ARSG: variants seen among roughly 807,000 people sequenced by gnomAD.
ARSG encodes the protein arylsulfatase G, also known as ASG.
Under a neutral mutation model 50.5 loss-of-function variants are expected in ARSG, and 37 were observed. That is an observed-to-expected ratio of 0.73 (90% CI 0.56 to 0.96). The LOEUF (loss-of-function observed/expected upper bound fraction) is 0.96, where lower values mean the gene tolerates loss of function less well. Among genes scored for constraint, ARSG ranks in the 50% least tolerant of loss-of-function variants. The probability of loss-of-function intolerance (pLI) is 0.00; values close to 1 mark genes in which losing one functional copy is unlikely to be tolerated. For synonymous variants in ARSG, 225 were observed against 254.6 expected, an observed-to-expected ratio of 0.88 and a Z score of 1.11; for missense variants, 629 against 675.3, an observed-to-expected ratio of 0.93 and a Z score of 0.76.
chr17:68,367,579 G>T lies in ARSG; in HGVS notation c.705-969G>T, dbSNP rs2079606286. On this transcript the variant is annotated intron_variant, in intron 6 of 11. Transcript: ENST00000621439. This position sits in a 1 kb window ranked among gnomAD's most constrained non-coding sequence, Gnocchi z 4.5. ...TGCAGCTGCTCTTGGCTGGGAGTAG[G>T]ACTGGGACCTTTGCTTGGAAGCCAC... Among the ~76,000 whole-genome samples the T allele has an allele frequency of 6.6e-6, 1 of 152,150 alleles. No homozygotes were observed. The highest frequency in any genetic ancestry group is 2.4e-5 in the African/African-American group (1 of 41,414).
At position 68,271,748 on chromosome 17, in the gene ARSG, T is replaced by G; in HGVS notation, c.-552+12322T>G. The G allele has an allele frequency of 2.1e-6, 2 of 936,394 alleles. No homozygotes were observed. Among genetic ancestry groups the G allele is most frequent in the Non-Finnish European group, 3.2e-6 (2 of 623,664 alleles). The allele number at this position is 936,394 out of a possible 1,614,324, so 58.0% of individuals were successfully genotyped here. The stretch of plus-strand genomic sequence containing the variant: ...ATCAAGAAGAAATATGGATCCAGAT[T>G]TTGTTATAAGTTCTGTGGAAATTTA... On this transcript the variant is annotated intron_variant, in intron 1 of 11. Transcript: ENST00000448504. The surrounding 1 kb of genome is among the most constrained non-coding windows in gnomAD (Gnocchi z 5.3).
At position 68,391,033 on chromosome 17, in the gene ARSG, G is replaced by A. The variant is rs547946032; in HGVS notation, c.1092-4040G>A. On this transcript the variant is annotated intron_variant, in intron 9 of 11. Coordinates refer to ENST00000621439, the MANE Select transcript of ARSG (RefSeq NM_001267727.2). The stretch of plus-strand genomic sequence containing the variant: ...CAAAAGCCGGGCACCGAAACGAACA[G>A]GGGAAGCTTTGAAGTATAGGTTTGT... Among the ~76,000 whole-genome samples, 13 of 151,984 alleles carry A rather than the reference G, an allele frequency of 8.6e-5. No individual in the cohort carries two copies. In the South Asian group the frequency reaches 2.7e-3, roughly 32 times the overall value.
rs1026039175 is a variant in ARSG at position 68,343,779 on chromosome 17, A to G, written c.394A>G (p.Thr132Ala). 6.2e-7 allele frequency: 1 copy of G among 1,612,560 alleles called. No individual in the cohort carries two copies. The highest frequency in any genetic ancestry group is 8.5e-7 in the Non-Finnish European group (1 of 1,178,968). Reference sequence around the variant, plus strand: ...GGTGCTGCAGCAGGCGGGTTACGTCACTGGGATAATAGGTAACTCTGGGCC... The same window carrying G: ...GGTGCTGCAGCAGGCGGGTTACGTCGCTGGGATAATAGGTAACTCTGGGCC... ...AEVLQQAGYV[T>A]GIIGKWHLGH... Residue 132 changes from threonine to alanine, a missense_variant, in exon 3 of 12, where the codon ACT becomes GCT. Coordinates refer to ENST00000621439, the MANE Select transcript of ARSG (RefSeq NM_001267727.2).
At chr17:68,398,599 T>C (rs2081350139) in intron 10 of ARSG, among the ~76,000 whole-genome samples, 1 of 152,246 alleles carries the variant, frequency 6.6e-6, no homozygotes, top group Admixed American at 6.5e-5. Flanking sequence ...AAGTAACTCC[T>C]GGATATTCAA....
intron 10 of ARSG, chr17:68,401,105 C>T: frequency 4.3e-6 from 2 of 464,140 alleles, no homozygotes; most frequent in South Asian, 2.5e-5. Flanking sequence ...CTCACTGCAG[C>T]GTTGACCTCC....
chr17:68,289,109 G>A (rs1420673410), upstream of ARSG, among the ~76,000 whole-genome samples: 7 of 152,286 alleles, frequency 4.6e-5, no homozygotes, highest in African/African-American at 1.7e-4. Flanking sequence ...AATTAGGGAG[G>A]CCGAAGCAGG....
At chr17:68,321,060 C>T (rs1489684285) in intron 2 of ARSG, among the ~76,000 whole-genome samples, 1 of 151,980 alleles carries the variant, frequency 6.6e-6, no homozygotes, top group Non-Finnish European at 1.5e-5. Flanking sequence ...TAGGAGGCCA[C>T]CCAGGAGGCT....
chr17:68,432,646 C>T, the ARSG span, among the ~76,000 whole-genome samples: 3 of 152,072 alleles, frequency 2.0e-5, no homozygotes, highest in Non-Finnish European at 4.4e-5. Flanking sequence ...CATGTATCAG[C>T]GTGATATGGT....
intron 8 of ARSG, among the ~76,000 whole-genome samples, chr17:68,382,975 C>A (rs2080509536): frequency 6.6e-6 from 1 of 152,186 alleles, no homozygotes. Context: ...CTCAGCCAAT[C>A]TTTTTCTTTC....
At chr17:68,297,048 C>T (rs1361751638) in intron 1 of ARSG, among the ~76,000 whole-genome samples, 2 of 152,164 alleles carry the variant, frequency 1.3e-5, no homozygotes, top group African/African-American at 4.8e-5. Flanking sequence ...CGGAATTATG[C>T]AGTGCATAAA....
intron 5 of ARSG, among the ~76,000 whole-genome samples, chr17:68,354,436 G>GA (rs528189891): frequency 1.5e-3 from 219 of 148,116 alleles, no homozygotes; most frequent in Middle Eastern, 6.8e-3. Context: ...AAGAAAAAAA[G>GA]AAAAAAAAAT....
At chr17:68,361,528 A>C (rs113412154) in intron 6 of ARSG, among the ~76,000 whole-genome samples, 10 of 152,118 alleles carry the variant, frequency 6.6e-5, no homozygotes, top group African/African-American at 2.2e-4. Context: ...AGTCTGCACA[A>C]CATAGTGAGA....
chr17:68,373,914 T>C (rs1240989515), intron 8 of ARSG, among the ~76,000 whole-genome samples: 1 of 151,626 alleles, frequency 6.6e-6, no homozygotes, highest in East Asian at 1.9e-4. Context: ...TCCCAGCACT[T>C]TGGGAGGCCG....
chr17:68,379,444 TTTTTTTA>T (rs2080320641), intron 8 of ARSG, among the ~76,000 whole-genome samples: 1 of 138,758 alleles, frequency 7.2e-6, no homozygotes, highest in African/African-American at 2.6e-5. Flanking sequence ...TTTTTTTTTT[TTTTTTTA>T]CAGAGATGGA....
At chr17:68,444,603 G>A in the ARSG span, 1 of 1,606,148 alleles carries the variant, frequency 6.2e-7, no homozygotes, top group Non-Finnish European at 8.5e-7. Flanking sequence ...TAATCACACA[G>A]ACTTATCAGT....
At chr17:68,349,847 A>G in intron 4 of ARSG, among the ~76,000 whole-genome samples, 1 of 151,990 alleles carries the variant, frequency 6.6e-6, no homozygotes, top group African/African-American at 2.4e-5. Context: ...GTGCCACTGC[A>G]CTCCAGCCTG....
At chr17:68,314,403 G>A (rs1328299336) in intron 2 of ARSG, among the ~76,000 whole-genome samples, 1 of 151,960 alleles carries the variant, frequency 6.6e-6, no homozygotes, top group African/African-American at 2.4e-5. Flanking sequence ...GCACATGCTT[G>A]TAATCCCAGC....
chr17:68,424,078 G>A (rs1269437748), downstream of ARSG, among the ~76,000 whole-genome samples: 4 of 152,156 alleles, frequency 2.6e-5, no homozygotes, highest in African/African-American at 9.7e-5. Flanking sequence ...TGAGGGTGCA[G>A]AAGAACGCCC....
At position 68,271,578 on chromosome 17, in the gene ARSG, G is replaced by A. The variant is rs2075341549; in HGVS notation, c.-552+12152G>A. 6.2e-7 allele frequency: 1 copy of A among 1,614,064 alleles called. No individual in the cohort carries two copies. The highest frequency in any genetic ancestry group is 1.3e-5 in the African/African-American group (1 of 74,940). Reference sequence around the variant, plus strand: ...TGGGTCTGAGCAGTGCTCCGAAGATGACAATGTTTAACTGTAGTAGGCCCA... The same window carrying A: ...TGGGTCTGAGCAGTGCTCCGAAGATAACAATGTTTAACTGTAGTAGGCCCA... On this transcript the variant is annotated intron_variant, in intron 1 of 11. Coordinates refer to the ARSG transcript ENST00000448504. The surrounding 1 kb of genome is among the most constrained non-coding windows in gnomAD (Gnocchi z 5.3).
Sources: gnomAD v4.1 joint callset for allele counts (sites outside exome capture counted in the v4.1 genomes callset) on GRCh38, gnomAD v4.1.1 for gene constraint, Gnocchi (gnomAD v3.1) non-coding constraint, MANE v1.5 for transcripts, NCBI Gene and HGNC (gene_info 2026-07-23, HGNC 2026-07-21) for gene names.